Variants in AGBL4 observed in about 807,000 individuals in gnomAD.
The protein encoded by AGBL4 is cytosolic carboxypeptidase 6.
Under a neutral mutation model 66.4 loss-of-function variants are expected in AGBL4, and 58 were observed. The observed-to-expected ratio is 0.87, with a 90% CI of 0.71 to 1.09. The LOEUF (loss-of-function observed/expected upper bound fraction) is 1.09. Ranked by LOEUF, AGBL4 falls within the 50% of genes least tolerant of loss-of-function variation. AGBL4 has a pLI of 0.00. For missense variants in AGBL4, 579 were observed against 631.0 expected (o/e 0.92, Z 0.88); for synonymous variants, 234 against 222.9 (o/e 1.05, Z -0.44).
chr1:49,069,118 A>G (rs1644548992), intron 4 of AGBL4, among the ~76,000 whole-genome samples: 1 of 152,052 alleles, frequency 6.6e-6, no homozygotes, highest in Non-Finnish European at 1.5e-5. Flanking sequence ...TTCTTTGTAG[A>G]TTCTGTATAT....
intron 4 of AGBL4, among the ~76,000 whole-genome samples, chr1:49,138,119 G>T (rs560379554): frequency 6.6e-6 from 1 of 152,226 alleles, no homozygotes; most frequent in East Asian, 1.9e-4. Flanking sequence ...GGAGAGTATG[G>T]GAGGAAGAAA....
intron 4 of AGBL4, among the ~76,000 whole-genome samples, chr1:49,079,494 C>T (rs1644769108): frequency 6.6e-6 from 1 of 152,142 alleles, no homozygotes; most frequent in Non-Finnish European, 1.5e-5. Context: ...CTCGTGAGAA[C>T]TCACTCACTA....
intron 2 of AGBL4, among the ~76,000 whole-genome samples, chr1:49,800,296 C>T (rs1311145729): frequency 6.6e-6 from 1 of 151,904 alleles, no homozygotes; most frequent in Non-Finnish European, 1.5e-5. Context: ...TCCCTTGCTG[C>T]TTTGAGAAAG....
rs1043336788 is a variant in AGBL4 at position 48,534,274 on chromosome 1, A to G, written c.1411T>C (p.Tyr471His). The G allele has an allele frequency of 6.4e-7, 1 of 1,551,074 alleles. No homozygotes were observed. The highest frequency in any genetic ancestry group is 8.7e-7 in the Non-Finnish European group (1 of 1,146,820). Reference sequence around the variant, plus strand: ...GGGCCCCGCAGGAGTGGGTGCTTGTAAGGAGGGGATTTTTCTTTCCTGCAA... The same window carrying G: ...GGGCCCCGCAGGAGTGGGTGCTTGTGAGGAGGGGATTTTTCTTTCCTGCAA... The part of the protein sequence containing the change: ...VQRRKEKSPP[Y>H]KHPLLRGPAS... The change falls in exon 14 of 14, where the codon TAC becomes CAC. Residue 471 changes from tyrosine to histidine, a missense_variant. Coordinates refer to ENST00000371839, the MANE Select transcript of AGBL4 (RefSeq NM_032785.4).
chr1:49,688,927 A>AT (rs1299750195), intron 3 of AGBL4, among the ~76,000 whole-genome samples: 4 of 151,794 alleles, frequency 2.6e-5, no homozygotes, highest in Non-Finnish European at 5.9e-5. Flanking sequence ...ATATTATTTG[A>AT]TTTTTTTCCT....
At chr1:49,285,548 C>G (rs1185503948) in intron 3 of AGBL4, among the ~76,000 whole-genome samples, 2 of 151,912 alleles carry the variant, frequency 1.3e-5, no homozygotes, top group Non-Finnish European at 2.9e-5. Flanking sequence ...AATAGAGACA[C>G]AAAAAACCCT....
chr1:49,622,239 A>G, intron 3 of AGBL4, among the ~76,000 whole-genome samples: 1 of 152,228 alleles, frequency 6.6e-6, no homozygotes, highest in African/African-American at 2.4e-5. Context: ...CATAGGTTTC[A>G]GCATCAAAAA....
intron 4 of AGBL4, among the ~76,000 whole-genome samples, chr1:49,101,051 C>T (rs942361241): frequency 6.6e-6 from 1 of 152,158 alleles, no homozygotes; most frequent in Non-Finnish European, 1.5e-5. Context: ...GTGTATGAGA[C>T]ACTCAAGTCC....
At chr1:49,033,298 C>G (rs1437272777) in intron 5 of AGBL4, among the ~76,000 whole-genome samples, 1 of 151,976 alleles carries the variant, frequency 6.6e-6, no homozygotes, top group East Asian at 1.9e-4. Flanking sequence ...TGGGAGCCCA[C>G]GGAACTCTAC....
intron 5 of AGBL4, among the ~76,000 whole-genome samples, chr1:49,002,243 T>C (rs1247498254): frequency 1.3e-5 from 2 of 152,184 alleles, no homozygotes; most frequent in Non-Finnish European, 2.9e-5. Context: ...GAGGAGGCAG[T>C]ATTTGATCTA....
intron 5 of AGBL4, among the ~76,000 whole-genome samples, chr1:49,032,654 T>C (rs916751623): frequency 1.3e-5 from 2 of 152,146 alleles, no homozygotes; most frequent in Admixed American, 6.5e-5. Context: ...AGCAGGATAG[T>C]GAGCCTGGAA....
At chr1:48,742,153 T>C (rs184078867) in intron 6 of AGBL4, among the ~76,000 whole-genome samples, 17 of 152,324 alleles carry the variant, frequency 1.1e-4, no homozygotes, top group Middle Eastern at 3.4e-3. Flanking sequence ...CTTCCCTGTA[T>C]TCCTGTTATC....
intron 6 of AGBL4, among the ~76,000 whole-genome samples, chr1:48,704,196 C>T (rs150852029): frequency 2.3e-4 from 35 of 152,246 alleles, no homozygotes; most frequent in Admixed American, 1.5e-3. Flanking sequence ...AGAAAAGGTA[C>T]GGTAAAATAT....
intron 2 of AGBL4, among the ~76,000 whole-genome samples, chr1:49,779,944 A>T (rs571088547): frequency 6.6e-6 from 1 of 150,378 alleles, no homozygotes; most frequent in Non-Finnish European, 1.5e-5. Context: ...GAAAAAAAAA[A>T]TTCAACTCAT....
chr1:48,604,131 T>TCAAAACAAAACAAAA (rs56655236), intron 9 of AGBL4, among the ~76,000 whole-genome samples: 195 of 150,514 alleles, frequency 1.3e-3, no homozygotes, highest in African/African-American at 2.0e-3. Context: ...AGACTTCATC[T>TCAAAACAAAACAAAA]CAAAACAAAA....
At chr1:49,111,678 G>A (rs1645415106) in intron 4 of AGBL4, among the ~76,000 whole-genome samples, 2 of 152,022 alleles carry the variant, frequency 1.3e-5, no homozygotes, top group Middle Eastern at 3.2e-3. Flanking sequence ...TTGCTTACTT[G>A]TGTACAGTCT....
chr1:49,250,835 A>G (rs1652000636), intron 3 of AGBL4, among the ~76,000 whole-genome samples: 1 of 152,094 alleles, frequency 6.6e-6, no homozygotes, highest in South Asian at 2.1e-4. Flanking sequence ...AGAACCCTTG[A>G]CCACCATGGA....
At chr1:49,627,618 G>A (rs907741122) in intron 3 of AGBL4, among the ~76,000 whole-genome samples, 3 of 152,138 alleles carry the variant, frequency 2.0e-5, no homozygotes, top group African/African-American at 7.2e-5. Context: ...CTGGCTGATA[G>A]GATGATTTCT....
chr1:49,884,405 A>C (rs1436446261), intron 1 of AGBL4, among the ~76,000 whole-genome samples: 1 of 151,842 alleles, frequency 6.6e-6, no homozygotes, highest in Non-Finnish European at 1.5e-5. Flanking sequence ...TTATTAAGAC[A>C]CCTGTATATT....
Sources: allele counts gnomAD v4.1 joint callset (sites outside exome capture counted in the v4.1 genomes callset), GRCh38; gene constraint gnomAD v4.1.1; transcripts MANE v1.5; gene names NCBI Gene and HGNC (gene_info 2026-07-23, HGNC 2026-07-21).